MGMT: variants seen among roughly 807,000 people sequenced by gnomAD.
MGMT encodes the protein methylated-DNA--protein-cysteine methyltransferase.
MGMT carries 14 observed loss-of-function variants against 15.9 expected under a neutral mutation model. The observed-to-expected ratio is 0.88, with a 90% CI of 0.58 to 1.37. The LOEUF is 1.37. MGMT is among the 40% of genes most tolerant of loss of function. The pLI is 0.00. For missense variants in MGMT, 282 were observed against 268.1 expected, an observed-to-expected ratio of 1.05 and a Z score of -0.36; for synonymous variants, 130 against 118.2, an observed-to-expected ratio of 1.10 and a Z score of -0.65.
chr10:129,507,259 T>C (rs978906327), intron 1 of MGMT, among the ~76,000 whole-genome samples: 2 of 152,230 alleles, frequency 1.3e-5, no homozygotes, highest in Non-Finnish European at 1.5e-5. Flanking sequence ...ATTTATCCCA[T>C]GTCCTTGGGT....
intron 2 of MGMT, among the ~76,000 whole-genome samples, chr10:129,673,693 A>G (rs1017450070): frequency 6.6e-6 from 1 of 152,120 alleles, no homozygotes; most frequent in Non-Finnish European, 1.5e-5. Context: ...AGTTGAAGAA[A>G]TTGCCACCTC....
intron 2 of MGMT, among the ~76,000 whole-genome samples, chr10:129,671,181 G>C (rs764994536): frequency 6.6e-6 from 1 of 152,162 alleles, no homozygotes; most frequent in Non-Finnish European, 1.5e-5. Context: ...ATTATGTTTG[G>C]AAAGAGAACA....
intron 1 of MGMT, among the ~76,000 whole-genome samples, chr10:129,531,837 G>C (rs1845936297): frequency 6.6e-6 from 1 of 151,866 alleles, no homozygotes; most frequent in African/African-American, 2.4e-5. Context: ...GTTGTGTTCA[G>C]GTGAAATGAG....
chr10:129,706,310 G>A (rs1210790356), intron 2 of MGMT, among the ~76,000 whole-genome samples: 2 of 152,214 alleles, frequency 1.3e-5, no homozygotes, highest in African/African-American at 2.4e-5. Context: ...GGTGCTCCCG[G>A]CTGCATCGGC....
intron 2 of MGMT, among the ~76,000 whole-genome samples, chr10:129,618,927 G>A (rs1446339692): frequency 1.3e-5 from 2 of 152,074 alleles, no homozygotes; most frequent in Non-Finnish European, 1.5e-5. Context: ...TATCTTGTTT[G>A]AGAATGAAGA....
chr10:129,695,571 C>CA (rs1281391603), intron 2 of MGMT, among the ~76,000 whole-genome samples: 6 of 152,164 alleles, frequency 3.9e-5, no homozygotes, highest in Non-Finnish European at 8.8e-5. Context: ...CTTGCTAAGA[C>CA]AAAAAATAAT....
chr10:129,498,842 G>A (rs984504830), intron 1 of MGMT, among the ~76,000 whole-genome samples: 1 of 152,180 alleles, frequency 6.6e-6, no homozygotes, highest in Non-Finnish European at 1.5e-5. Flanking sequence ...GCTTGCTGCT[G>A]CTGAGTCACT....
chr10:129,588,088 C>T (rs1399072205), intron 2 of MGMT, among the ~76,000 whole-genome samples: 2 of 152,162 alleles, frequency 1.3e-5, no homozygotes, highest in Non-Finnish European at 2.9e-5. Context: ...ATTATTCCCA[C>T]AACCAAGGCA....
intron 3 of MGMT, among the ~76,000 whole-genome samples, chr10:129,756,927 AACAGCAAGG>A (rs1313170848): frequency 6.6e-6 from 1 of 152,240 alleles, no homozygotes; most frequent in Admixed American, 6.5e-5. Context: ...TATGATGCTT[AACAGCAAGG>A]ATTGCCCTTC....
At chr10:129,468,512 A>T (rs916709117) in intron 1 of MGMT, among the ~76,000 whole-genome samples, 6 of 152,066 alleles carry the variant, frequency 3.9e-5, no homozygotes, top group African/African-American at 1.4e-4. Context: ...TGTCTGCCAC[A>T]GTCAGGGGCC....
At chr10:129,484,921 T>C (rs1448518526) in intron 1 of MGMT, among the ~76,000 whole-genome samples, 1 of 151,920 alleles carries the variant, frequency 6.6e-6, no homozygotes, top group Non-Finnish European at 1.5e-5. Flanking sequence ...TATGTATGTG[T>C]GTGTGTATTA....
rs59015256 is a variant in MGMT at position 129,518,626 on chromosome 10, C to T, written c.-12-17615C>T. ...TGATGAAGACCTTCATGATAATCCA[C>T]TTCCACTTAATGAATAGTAAATAGA... On this transcript the variant is annotated intron_variant, in intron 1 of 4. Transcript: ENST00000651593. 2.6e-4 allele frequency among the ~76,000 whole-genome samples: 14 copies of T among 54,542 alleles called. 1 individual carries two copies. The highest frequency in any genetic ancestry group is 6.4e-4 in the East Asian group (1 of 1,570). The allele number at this position is 54,542 out of a possible 152,430, so 35.8% of individuals were successfully genotyped here. A position where few individuals can be genotyped will look rare whatever the true frequency, so the allele number is the denominator to read the frequency against.
chr10:129,614,344 C>A (rs563588225), intron 2 of MGMT, among the ~76,000 whole-genome samples: 1 of 152,144 alleles, frequency 6.6e-6, no homozygotes, highest in Non-Finnish European at 1.5e-5. Flanking sequence ...CGTCACAAGC[C>A]GTCTAAGACA....
chr10:129,764,671 C>G (rs3793909), intron 4 of MGMT, among the ~76,000 whole-genome samples: 1 of 152,186 alleles, frequency 6.6e-6, no homozygotes. Flanking sequence ...GCTGGGGATA[C>G]GCTCAGCTGG....
intron 3 of MGMT, among the ~76,000 whole-genome samples, chr10:129,741,049 G>A (rs769584234): frequency 4.6e-5 from 7 of 152,100 alleles, no homozygotes; most frequent in Admixed American, 3.3e-4. Flanking sequence ...AGCTTTCCAC[G>A]CTTATTGGCT....
At chr10:129,468,127 T>C (rs1357153018) in intron 1 of MGMT, among the ~76,000 whole-genome samples, 1 of 152,170 alleles carries the variant, frequency 6.6e-6, no homozygotes. Context: ...GTTATTTACA[T>C]AGACATCCAA....
chr10:129,488,014 C>T lies in MGMT; in HGVS notation c.-13+20718C>T, dbSNP rs1020184127. Among the ~76,000 whole-genome samples, 520 of 126,136 alleles carry T rather than the reference C, an allele frequency of 4.1e-3. 13 individuals carry two copies. In the East Asian group the frequency reaches 0.098, roughly 24 times the overall value. The allele number at this position is 126,136 out of a possible 152,430, so 82.8% of individuals were successfully genotyped here. On this transcript the variant is annotated intron_variant, in intron 1 of 4. Transcript: ENST00000651593. ...ACACACACATAGGTATACACACACA[C>T]ACACACACACACACACACACACACA...
intron 2 of MGMT, among the ~76,000 whole-genome samples, chr10:129,660,928 T>C (rs1464875391): frequency 6.6e-6 from 1 of 152,186 alleles, no homozygotes; most frequent in Non-Finnish European, 1.5e-5. Context: ...TAACACAAAT[T>C]TATTATTTTA....
intron 2 of MGMT, among the ~76,000 whole-genome samples, chr10:129,555,063 C>T (rs545882878): frequency 1.8e-4 from 28 of 152,308 alleles, no homozygotes; most frequent in Non-Finnish European, 2.8e-4. Flanking sequence ...AGTAAGCACT[C>T]AATAAATGGC....
Sources: gnomAD v4.1 joint callset for allele counts (sites outside exome capture counted in the v4.1 genomes callset) on GRCh38, gnomAD v4.1.1 for gene constraint, MANE v1.5 for transcripts, NCBI Gene and HGNC (gene_info 2026-07-23, HGNC 2026-07-21) for gene names.